KIF5C: variants seen among roughly 807,000 people sequenced by gnomAD.
KIF5C encodes the protein kinesin heavy chain isoform 5C.
In KIF5C, 18 loss-of-function variants were observed where a neutral mutation model predicts 125.2. The ratio of observed to expected loss-of-function variants is 0.14; its 90% CI spans 0.10 to 0.21. The LOEUF is 0.21. Among genes scored for constraint, KIF5C ranks in the 10% least tolerant of loss-of-function variants. The pLI is 1.00. For synonymous variants in KIF5C, 405 were observed against 434.0 expected (o/e 0.93, Z 0.83); for missense variants, 780 against 1,183.8 (o/e 0.66, Z 5.01).
intron 10 of KIF5C, among the ~76,000 whole-genome samples, chr2:148,959,978 A>G (rs1682886539): frequency 6.6e-6 from 1 of 152,192 alleles, no homozygotes; most frequent in Admixed American, 6.5e-5. Context: ...ATGGCTCCCC[A>G]GTCCCTAATG....
chr2:148,983,044 G>T (rs1019844071), intron 14 of KIF5C, among the ~76,000 whole-genome samples: 2 of 152,112 alleles, frequency 1.3e-5, no homozygotes, highest in Non-Finnish European at 2.9e-5. Flanking sequence ...ACTATTGAAC[G>T]TAACCTAATT....
At chr2:148,992,888 T>C (rs1287850908) in intron 16 of KIF5C, among the ~76,000 whole-genome samples, 2 of 152,198 alleles carry the variant, frequency 1.3e-5, no homozygotes, top group Non-Finnish European at 2.9e-5. Flanking sequence ...CAAAAGCATG[T>C]GTTTTGGCCA....
intron 25 of KIF5C, among the ~76,000 whole-genome samples, chr2:149,018,527 C>A (rs996232785): frequency 6.6e-5 from 10 of 152,162 alleles, no homozygotes; most frequent in African/African-American, 2.2e-4. Flanking sequence ...GACCTTTTCT[C>A]CTCTTAAAAA....
At chr2:148,917,878 T>TTAC (rs1681625328) in intron 1 of KIF5C, among the ~76,000 whole-genome samples, 1 of 152,238 alleles carries the variant, frequency 6.6e-6, no homozygotes, top group African/African-American at 2.4e-5. Flanking sequence ...TGTTATTGGA[T>TTAC]TACTTCTTAA....
intron 16 of KIF5C, among the ~76,000 whole-genome samples, chr2:148,992,957 C>A (rs1219301619): frequency 1.3e-5 from 2 of 152,220 alleles, no homozygotes; most frequent in Non-Finnish European, 2.9e-5. Flanking sequence ...CCATGGCCTG[C>A]AGCCCACCCT....
intron 4 of KIF5C, among the ~76,000 whole-genome samples, chr2:148,938,353 C>T (rs912773467): frequency 6.6e-6 from 1 of 152,156 alleles, no homozygotes; most frequent in Non-Finnish European, 1.5e-5. Context: ...TTAATATATT[C>T]CCAAAAGTGT....
At position 148,998,666 on chromosome 2, in the gene KIF5C, G is replaced by A. The variant is rs1350700683; in HGVS notation, c.2210+157G>A. 13 of 1,252,100 alleles carry A rather than the reference G, an allele frequency of 1.0e-5. No individual in the cohort carries two copies. The East Asian group carries it at 1.6e-4, about 15-fold the overall frequency. 77.6% of individuals were successfully genotyped at this position (1,252,100 alleles called of 1,614,324 possible). ...GCAGGCTGGGCGGGCTGCTTCCAAG[G>A]TCTGTTCTCCGATCTGGAGCTGAGC... On this transcript the variant is annotated intron_variant, in intron 19 of 25. Coordinates refer to ENST00000435030, the MANE Select transcript of KIF5C (RefSeq NM_004522.3).
In KIF5C at chr2:148,943,015, A is replaced by G. The variant is rs564682841; in HGVS notation, c.589+255A>G. ...GTGAGACTTACTGGACCCTGATAAC[A>G]GCCTAAGCCTGAACATTAGGAAAAA... On this transcript the variant is annotated intron_variant, in intron 7 of 25. Transcript: ENST00000435030. Among the ~76,000 whole-genome samples the G allele has an allele frequency of 2.6e-5, 4 of 152,312 alleles. No individual in the cohort carries two copies. In the East Asian group the frequency reaches 7.7e-4, roughly 29 times the overall value.
chr2:148,967,156 C>G (rs949782795), intron 11 of KIF5C, among the ~76,000 whole-genome samples: 1 of 152,192 alleles, frequency 6.6e-6, no homozygotes, highest in Non-Finnish European at 1.5e-5. Flanking sequence ...AGGATAACTC[C>G]GGGCATGTGC....
intron 21 of KIF5C, among the ~76,000 whole-genome samples, chr2:149,004,580 C>T (rs905020450): frequency 6.6e-6 from 1 of 151,964 alleles, no homozygotes; most frequent in Non-Finnish European, 1.5e-5. Context: ...AAAAATGCCC[C>T]CAAGATGACA....
chr2:148,964,063 G>C (rs1483393061), intron 11 of KIF5C, among the ~76,000 whole-genome samples: 1 of 152,096 alleles, frequency 6.6e-6, no homozygotes, highest in African/African-American at 2.4e-5. Flanking sequence ...ATCACCTGAG[G>C]TCGGGAGTTC....
At chr2:148,989,932 T>G (rs1219350944) in intron 15 of KIF5C, among the ~76,000 whole-genome samples, 1 of 152,144 alleles carries the variant, frequency 6.6e-6, no homozygotes, top group East Asian at 1.9e-4. Flanking sequence ...ATATGATGAG[T>G]GAATGACATC....
chr2:148,927,485 G>GGTGTGTGTGTGTGT (rs368235008), intron 2 of KIF5C, among the ~76,000 whole-genome samples: 4 of 149,708 alleles, frequency 2.7e-5, no homozygotes, highest in African/African-American at 9.8e-5. Flanking sequence ...GCCCTTTCAG[G>GGTGTGTGTGTGTGT]GTGTGTGTGT....
chr2:148,960,396 A>C (rs975333010), intron 10 of KIF5C, among the ~76,000 whole-genome samples: 1 of 152,216 alleles, frequency 6.6e-6, no homozygotes, highest in African/African-American at 2.4e-5. Context: ...TTGATAATGG[A>C]TGCTTGTAAT....
At chr2:148,878,782 C>G (rs1424785534) in intron 1 of KIF5C, 2 of 152,184 alleles carry the variant, frequency 1.3e-5, no homozygotes, top group Non-Finnish European at 2.9e-5. Context: ...TCTAGGGGCA[C>G]AGACTGTGGA....
At chr2:148,943,960 C>A (rs1278772216) in intron 7 of KIF5C, among the ~76,000 whole-genome samples, 1 of 152,154 alleles carries the variant, frequency 6.6e-6, no homozygotes, top group Non-Finnish European at 1.5e-5. Context: ...TGCACACATA[C>A]CTGAAAGAAT....
At chr2:148,971,422 T>C (rs1478621480) in intron 11 of KIF5C, among the ~76,000 whole-genome samples, 1 of 152,108 alleles carries the variant, frequency 6.6e-6, no homozygotes, top group Non-Finnish European at 1.5e-5. Flanking sequence ...GTAGAGAATA[T>C]AGATCCTTTA....
intron 8 of KIF5C, among the ~76,000 whole-genome samples, chr2:148,949,487 G>C (rs1014750608): frequency 6.6e-6 from 1 of 152,092 alleles, no homozygotes; most frequent in African/African-American, 2.4e-5. Context: ...GGCTCCCTTC[G>C]GCATGGGGAC....
chr2:149,005,371 G>T (rs778669109), intron 21 of KIF5C, 22 bp from the exon 22 acceptor site: 2 of 1,611,258 alleles, frequency 1.2e-6, no homozygotes, highest in East Asian at 4.5e-5. Flanking sequence ...GCACTTAAGT[G>T]GCCTTTAAAA....
Sources: gnomAD v4.1 joint callset for allele counts (sites outside exome capture counted in the v4.1 genomes callset) on GRCh38, gnomAD v4.1.1 for gene constraint, MANE v1.5 for transcripts, NCBI Gene and HGNC (gene_info 2026-07-23, HGNC 2026-07-21) for gene names.